The following DENND2D variants were observed in gnomAD, a reference collection of about 807,000 sequenced individuals.
DENND2D encodes the protein DENN domain-containing protein 2D.
In DENND2D, 37 loss-of-function variants were observed where a neutral mutation model predicts 59.8. That is an observed-to-expected ratio of 0.62 (90% CI 0.48 to 0.81). DENND2D has a LOEUF of 0.81. Among genes scored for constraint, DENND2D ranks in the 40% least tolerant of loss-of-function variants. DENND2D has a pLI of 0.00. For synonymous variants in DENND2D, 219 were observed against 211.3 expected, an observed-to-expected ratio of 1.04 and a Z score of -0.31; for missense variants, 525 against 579.7, an observed-to-expected ratio of 0.91 and a Z score of 0.97.
At chr1:111,188,486 GGGTTCATAAT>G in intron 10 of DENND2D, 116 bp from the exon 11 acceptor site, 1 of 1,451,926 alleles carries the variant, frequency 6.9e-7, no homozygotes. Context: ...CCATAGGGTA[GGGTTCATAAT>G]TACTGACTGA....
At chr1:111,204,376 C>G (rs1251923779), upstream of DENND2D, 1 of 1,402,128 alleles carries the variant, frequency 7.1e-7, no homozygotes, top group South Asian at 1.5e-5. Flanking sequence ...GCCCGGCTCC[C>G]GCTCCCAGCT....
At position 111,192,817 on chromosome 1, in the gene DENND2D, G is replaced by A. The variant is rs140898851; in HGVS notation, c.795-500C>T. ...CCGAGAGGCAAAGCCTTTTTACCTC[G>A]CTATGTCTATCCACCCTCATCCCCA... On this transcript the variant is annotated intron_variant, in intron 7 of 11. Transcript: ENST00000357640. 9.2e-5 allele frequency among the ~76,000 whole-genome samples: 14 copies of A among 152,244 alleles called. No individual in the cohort carries two copies. The East Asian group carries it at 2.1e-3, about 23-fold the overall frequency.
upstream of DENND2D, among the ~76,000 whole-genome samples, chr1:111,202,725 A>ACACACACT (rs1315861220): frequency 6.7e-6 from 1 of 149,076 alleles, no homozygotes; most frequent in Non-Finnish European, 1.5e-5. Context: ...ACACACACAC[A>ACACACACT]CTCCCTCCTA....
At chr1:111,201,526 A>C (rs1025725836), upstream of DENND2D, 2 of 152,292 alleles carry the variant, frequency 1.3e-5, no homozygotes, top group African/African-American at 4.8e-5. Flanking sequence ...AGCTACAGGC[A>C]CAGCTGCTAG....
In DENND2D at chr1:111,195,974, A is replaced by G. The variant is rs1203348119; in HGVS notation, c.587T>C (p.Phe196Ser). Residue 196 changes from phenylalanine (F) to serine (S), a missense_variant, in exon 6 of 12, where the codon TTC becomes TCC. Around this residue, in one of 3 missense-constraint regions of DENND2D, gnomAD observed 253 missense variants for 246.4 expected, o/e 1.03. Coordinates refer to ENST00000357640, the MANE Select transcript of DENND2D (RefSeq NM_024901.5). ...PFMQGLREAA[F>S]PAPGKTVTLK... ...AGTGACAGTCTTCCCAGGAGCAGGGAAGGCTGCCTCTCGGAGGCCCTGCAT... is the reference window on the plus strand; with the variant it reads ...AGTGACAGTCTTCCCAGGAGCAGGGGAGGCTGCCTCTCGGAGGCCCTGCAT... The G allele has an allele frequency of 6.2e-7, 1 of 1,614,070 alleles. No individual in the cohort carries two copies. The highest frequency in any genetic ancestry group is 8.5e-7 in the Non-Finnish European group (1 of 1,180,004).
intron 5 of DENND2D, 134 bp from the exon 6 acceptor site, chr1:111,196,190 C>T (rs1025800326): frequency 2.8e-5 from 31 of 1,120,902 alleles, no homozygotes; most frequent in Non-Finnish European, 3.5e-5. Context: ...TTCTAGGGCC[C>T]TCCACGAACT....
At chr1:111,194,007 T>C (rs1291131989) in intron 7 of DENND2D, among the ~76,000 whole-genome samples, 1 of 152,240 alleles carries the variant, frequency 6.6e-6, no homozygotes, top group Non-Finnish European at 1.5e-5. Flanking sequence ...AATCATTATT[T>C]CCATTTTTAA....
chr1:111,203,607 T>G (rs1427935172), upstream of DENND2D, among the ~76,000 whole-genome samples: 1 of 152,248 alleles, frequency 6.6e-6, no homozygotes, highest in Non-Finnish European at 1.5e-5. Context: ...GACTTCTAAT[T>G]TAATCCCCAT....
chr1:111,195,027 T>G (rs192385324), intron 6 of DENND2D: 1 of 379,704 alleles, frequency 2.6e-6, no homozygotes, highest in African/African-American at 2.0e-5. Flanking sequence ...GCCTTCACAG[T>G]GAGGGCCCTC....
upstream of DENND2D, chr1:111,204,097 C>A: frequency 2.4e-6 from 1 of 414,078 alleles, no homozygotes; most frequent in Non-Finnish European, 4.1e-6. Context: ...TCGCCGTCCC[C>A]GCCCCCACCT....
intron 8 of DENND2D, 183 bp from the exon 9 acceptor site, chr1:111,189,436 G>A (rs1380115883): frequency 1.6e-6 from 1 of 630,878 alleles, no homozygotes. Flanking sequence ...GGAGATCTCA[G>A]TTCCATTCCT....
At chr1:111,196,681 C>T (rs1658261825) in intron 5 of DENND2D, 1 of 161,240 alleles carries the variant, frequency 6.2e-6, no homozygotes, top group Non-Finnish European at 1.4e-5. Context: ...TGCACTGGCA[C>T]TCAAATTAGC....
chr1:111,192,831 C>T (rs535182062), intron 7 of DENND2D, among the ~76,000 whole-genome samples: 8 of 152,180 alleles, frequency 5.3e-5, no homozygotes, highest in Non-Finnish European at 1.2e-4. Flanking sequence ...TGTCTATCCA[C>T]CCTCATCCCC....
Position 111,188,084 on chromosome 1 carries a change from A to G in DENND2D, c.1339+47T>C, listed in dbSNP as rs200199398. On this transcript the variant is annotated intron_variant, in intron 11 of 11. Coordinates refer to ENST00000357640, the MANE Select transcript of DENND2D (RefSeq NM_024901.5). ...CTTTCTTTCCCCTCCTCTTTATTCT[A>G]GAGGTAACCCTCTATGGGCTTAGAC... 7,342 of 1,599,410 alleles carry G rather than the reference A, an allele frequency of 4.6e-3. 21 individuals are homozygous for G. Among genetic ancestry groups the G allele is most frequent in the Non-Finnish European group, 5.7e-3 (6,659 of 1,173,394 alleles).
intron 6 of DENND2D, 200 bp downstream of exon 6, chr1:111,195,716 A>G (rs1658162971): frequency 1.5e-6 from 1 of 646,006 alleles, no homozygotes; most frequent in Non-Finnish European, 2.6e-6. Context: ...AGCAGTAACT[A>G]GGTGCTTGTG....
intron 4 of DENND2D, chr1:111,197,684 G>C (rs1260796697): frequency 2.2e-5 from 31 of 1,394,528 alleles, no homozygotes; most frequent in Non-Finnish European, 2.7e-5. Flanking sequence ...TAGTTGTATT[G>C]AAAGCCAGAG....
chr1:111,189,280 C>T (rs1265783502), intron 8 of DENND2D, 27 bp from the exon 9 acceptor site: 2 of 1,613,896 alleles, frequency 1.2e-6, no homozygotes, highest in East Asian at 2.2e-5. Flanking sequence ...CTGGCTTTCT[C>T]TGGTCCTCTT....
chr1:111,204,370 G>C, upstream of DENND2D: 1 of 1,415,162 alleles, frequency 7.1e-7, no homozygotes, highest in Non-Finnish European at 9.2e-7. Context: ...TGGAGTGCCC[G>C]GCTCCCGCTC....
In DENND2D at chr1:111,187,456, A is replaced by G. The variant is rs1481268978; in HGVS notation, c.*149T>C. The G allele has an allele frequency of 3.1e-6, 2 of 645,710 alleles. No individual in the cohort carries two copies. The highest frequency in any genetic ancestry group is 2.8e-5 in the Admixed American group (1 of 36,264). The allele number at this position is 645,710 out of a possible 1,614,324, so 40.0% of individuals were successfully genotyped here. A position where few individuals can be genotyped will look rare whatever the true frequency, so the allele number is the denominator to read the frequency against. On this transcript the variant is annotated 3_prime_UTR_variant, in exon 12 of 12. Transcript: ENST00000357640. Reference sequence around the variant, plus strand: ...TCAATACCAGGGATCCAAATCTCAGACACCAGTTTGAAGCAATACCTGGAT... The same window carrying G: ...TCAATACCAGGGATCCAAATCTCAGGCACCAGTTTGAAGCAATACCTGGAT...
Sources: allele counts gnomAD v4.1 joint callset (sites outside exome capture counted in the v4.1 genomes callset), GRCh38; gene constraint gnomAD v4.1.1; regional missense constraint gnomAD v4.1.1; transcripts MANE v1.5; gene names NCBI Gene and HGNC (gene_info 2026-07-23, HGNC 2026-07-21).